KIAA1217: variants seen among roughly 807,000 people sequenced by gnomAD.
KIAA1217 encodes the protein KIAA1217.
Under a neutral mutation model 163.9 loss-of-function variants are expected in KIAA1217, and 88 were observed. The observed-to-expected ratio is 0.54, with a 90% confidence interval of 0.45 to 0.64. The LOEUF (loss-of-function observed/expected upper bound fraction) is 0.64, where lower values mean the gene tolerates loss of function less well. Ranked by LOEUF, KIAA1217 falls within the 30% of genes least tolerant of loss-of-function variation. The pLI, the probability that KIAA1217 is intolerant of heterozygous loss-of-function variation, is 0.00. For synonymous variants in KIAA1217, 903 were observed against 923.1 expected (o/e 0.98, Z 0.39); for missense variants, 2,372 against 2,475.0 (o/e 0.96, Z 0.88).
intron 2 of KIAA1217, among the ~76,000 whole-genome samples, chr10:24,262,165 G>A (rs896713712): frequency 2.6e-5 from 4 of 152,190 alleles, no homozygotes; most frequent in African/African-American, 4.8e-5. Context: ...GCTACGACGG[G>A]TTGCATTCAG....
chr10:24,204,789 C>A (rs1001796543), upstream of KIAA1217, among the ~76,000 whole-genome samples: 1 of 152,228 alleles, frequency 6.6e-6, no homozygotes, highest in African/African-American at 2.4e-5. Context: ...TGCGCCAGAT[C>A]ATCCATTTAA....
chr10:23,931,963 A>G (rs1564543202), intron 1 of KIAA1217, among the ~76,000 whole-genome samples: 1 of 152,094 alleles, frequency 6.6e-6, no homozygotes, highest in African/African-American at 2.4e-5. Flanking sequence ...CAGTTACCAG[A>G]CTCCAGAAAA....
chr10:23,818,094 T>C (rs12259774), intron 1 of KIAA1217, among the ~76,000 whole-genome samples: 1 of 116,962 alleles, frequency 8.5e-6, no homozygotes, highest in African/African-American at 3.5e-5. Flanking sequence ...TAGATATACA[T>C]ACACACACAC....
At chr10:24,303,213 G>T (rs2132763365) in intron 2 of KIAA1217, among the ~76,000 whole-genome samples, 1 of 151,946 alleles carries the variant, frequency 6.6e-6, no homozygotes, top group Non-Finnish European at 1.5e-5. Flanking sequence ...ACAGGATCTT[G>T]CTGTGATGCC....
chr10:23,880,605 G>T (rs1407626024), intron 1 of KIAA1217, among the ~76,000 whole-genome samples: 1 of 151,932 alleles, frequency 6.6e-6, no homozygotes, highest in African/African-American at 2.4e-5. Context: ...AAAGAGTATA[G>T]CTGGATTGTT....
intron 2 of KIAA1217, chr10:24,042,198 A>ATT (rs1564630454): frequency 6.6e-6 from 1 of 151,038 alleles, no homozygotes; most frequent in Non-Finnish European, 1.5e-5. Flanking sequence ...AGCTCAAAGG[A>ATT]TTTTTTAGAA....
Position 24,277,317 on chromosome 10 carries a change from T to C in KIAA1217, c.354+57408T>C, listed in dbSNP as rs1417046360. Among the ~76,000 whole-genome samples, 12 of 152,314 alleles carry C rather than the reference T, an allele frequency of 7.9e-5. No individual in the cohort carries two copies. In the East Asian group the frequency reaches 1.9e-3, roughly 25 times the overall value. On this transcript the variant is annotated intron_variant, in intron 2 of 20. Coordinates refer to ENST00000376454, the MANE Select transcript of KIAA1217 (RefSeq NM_019590.5). ...GTTTCTGAGGTTGACCCTGGTGTGG[T>C]TCCCACTCAAAGTGGAGCAAGCAGG... is the stretch of plus-strand genomic sequence containing the variant.
intron 3 of KIAA1217, among the ~76,000 whole-genome samples, chr10:24,405,014 C>T (rs2057052369): frequency 6.6e-6 from 1 of 152,138 alleles, no homozygotes; most frequent in South Asian, 2.1e-4. Flanking sequence ...AGAGGGGTAG[C>T]ACTTGGGGGC....
chr10:23,874,699 G>A (rs571060424), intron 1 of KIAA1217, among the ~76,000 whole-genome samples: 13 of 151,902 alleles, frequency 8.6e-5, no homozygotes, highest in South Asian at 4.2e-4. Flanking sequence ...TCCAAATATC[G>A]TATTTTTGAT....
intron 9 of KIAA1217, among the ~76,000 whole-genome samples, chr10:24,502,986 A>C (rs1452763434): frequency 6.6e-6 from 1 of 151,926 alleles, no homozygotes; most frequent in Non-Finnish European, 1.5e-5. Context: ...ACTATGTCTC[A>C]AAAAAAACAA....
At chr10:24,444,102 C>T (rs1175034421) in intron 5 of KIAA1217, among the ~76,000 whole-genome samples, 1 of 152,082 alleles carries the variant, frequency 6.6e-6, no homozygotes, top group African/African-American at 2.4e-5. Flanking sequence ...CCTCTGCCTC[C>T]CGTGTTCAAG....
At chr10:23,775,004 GGTCAAATGAT>G (rs1211249472) in intron 1 of KIAA1217, among the ~76,000 whole-genome samples, 1 of 152,122 alleles carries the variant, frequency 6.6e-6, no homozygotes, top group Non-Finnish European at 1.5e-5. Flanking sequence ...AGGTTGGTTG[GGTCAAATGAT>G]GAAGATCTTG....
intron 1 of KIAA1217, among the ~76,000 whole-genome samples, chr10:23,905,649 G>A (rs1456841315): frequency 6.6e-6 from 1 of 152,038 alleles, no homozygotes; most frequent in Non-Finnish European, 1.5e-5. Context: ...TAGGGAGATG[G>A]ATTATAGTTT....
intron 10 of KIAA1217, among the ~76,000 whole-genome samples, chr10:24,519,500 C>T (rs531248980): frequency 6.6e-6 from 1 of 152,122 alleles, no homozygotes; most frequent in Non-Finnish European, 1.5e-5. Flanking sequence ...TTTTGCTCCC[C>T]CTTCCCCAGG....
intron 1 of KIAA1217, among the ~76,000 whole-genome samples, chr10:23,759,569 G>A (rs1236572254): frequency 6.6e-6 from 1 of 152,138 alleles, no homozygotes; most frequent in Non-Finnish European, 1.5e-5. Flanking sequence ...CTTTTACGAT[G>A]AGGTACATTA....
At chr10:24,246,805 GGAGTTT>G (rs1454555275) in intron 2 of KIAA1217, among the ~76,000 whole-genome samples, 3 of 152,126 alleles carry the variant, frequency 2.0e-5, no homozygotes, top group Admixed American at 2.0e-4. Context: ...GTTGAGGCCA[GGAGTTT>G]GAGACCAGCC....
intron 14 of KIAA1217, 104 bp downstream of exon 14, chr10:24,528,223 G>C: frequency 1.2e-6 from 1 of 866,438 alleles, no homozygotes; most frequent in Non-Finnish European, 1.7e-6. Flanking sequence ...CAATGTCTCA[G>C]TTCTTACAAA....
chr10:23,763,627 A>G (rs1834372007), intron 1 of KIAA1217, among the ~76,000 whole-genome samples: 1 of 152,206 alleles, frequency 6.6e-6, no homozygotes, highest in African/African-American at 2.4e-5. Context: ...TAAATGTAAA[A>G]CCCAGAACCA....
intron 2 of KIAA1217, among the ~76,000 whole-genome samples, chr10:24,354,273 C>T (rs776890929): frequency 2.0e-5 from 3 of 152,180 alleles, no homozygotes; most frequent in Non-Finnish European, 2.9e-5. Context: ...CCTCACAGGA[C>T]GTGAGACAGG....
Sources: allele counts gnomAD v4.1 joint callset (sites outside exome capture counted in the v4.1 genomes callset), GRCh38; gene constraint gnomAD v4.1.1; transcripts MANE v1.5; gene names NCBI Gene and HGNC (gene_info 2026-07-23, HGNC 2026-07-21).